ULK4: variants seen among roughly 807,000 people sequenced by gnomAD.
ULK4 encodes unc-51 like kinase 4.
In ULK4, 133 loss-of-function variants were observed where a neutral mutation model predicts 160.6. The ratio of observed to expected loss-of-function variants is 0.83; its 90% CI spans 0.72 to 0.96. The LOEUF (loss-of-function observed/expected upper bound fraction) is 0.96. Among genes scored for constraint, ULK4 ranks in the 40% least tolerant of loss-of-function variants. The probability of loss-of-function intolerance (pLI) is 0.00; values close to 1 mark genes in which losing one functional copy is unlikely to be tolerated. For missense variants in ULK4, 1,580 were observed against 1,499.5 expected, an observed-to-expected ratio of 1.05 and a Z score of -0.89; for synonymous variants, 534 against 539.8, an observed-to-expected ratio of 0.99 and a Z score of 0.15.
At chr3:41,827,828 C>G (rs530668328) in intron 18 of ULK4, among the ~76,000 whole-genome samples, 93 of 152,100 alleles carry the variant, frequency 6.1e-4, no homozygotes, top group Non-Finnish European at 1.2e-3. Context: ...ATACCAAAGC[C>G]TGGCAGAGAC....
chr3:41,338,794 T>C (rs1254431637), intron 35 of ULK4, among the ~76,000 whole-genome samples: 37 of 151,890 alleles, frequency 2.4e-4, no homozygotes, highest in Non-Finnish European at 1.2e-4. Flanking sequence ...GATATACATA[T>C]CAGATGTTAT....
At chr3:41,709,671 C>CA (rs1489589609) in intron 25 of ULK4, among the ~76,000 whole-genome samples, 1 of 152,184 alleles carries the variant, frequency 6.6e-6, no homozygotes, top group African/African-American at 2.4e-5. Flanking sequence ...AGGCGTGAGC[C>CA]ACCATGCCTG....
intron 17 of ULK4, among the ~76,000 whole-genome samples, chr3:41,839,124 T>C (rs1457201936): frequency 6.6e-6 from 1 of 151,870 alleles, no homozygotes; most frequent in Non-Finnish European, 1.5e-5. Flanking sequence ...CCAAGGCAGG[T>C]GGATCATGAG....
intron 32 of ULK4, among the ~76,000 whole-genome samples, chr3:41,560,010 T>G (rs1224966427): frequency 6.6e-6 from 1 of 152,238 alleles, no homozygotes; most frequent in Non-Finnish European, 1.5e-5. Context: ...AGTCTAACAT[T>G]TAAGTCTTTA....
At chr3:41,593,593 C>T (rs1450322248) in intron 31 of ULK4, among the ~76,000 whole-genome samples, 1 of 152,166 alleles carries the variant, frequency 6.6e-6, no homozygotes, top group Admixed American at 6.5e-5. Flanking sequence ...GAGAGATACA[C>T]AGAAATATAT....
chr3:41,883,813 T>C, intron 17 of ULK4, 61 bp downstream of exon 17: 1 of 1,430,976 alleles, frequency 7.0e-7, no homozygotes, highest in Non-Finnish European at 9.9e-7. Context: ...AGGTTCTAAA[T>C]TACAGAATCA....
chr3:41,691,923 T>A lies in ULK4; in HGVS notation c.2782-10119A>T, dbSNP rs1033661970. Among the ~76,000 whole-genome samples the A allele has an allele frequency of 4.0e-5, 6 of 149,538 alleles. No homozygotes were observed. The East Asian group carries it at 1.2e-3, about 29-fold the overall frequency. ...ACAAAAAAGGACAAAGCCCTAAAAA[T>A]TATCTTCATCAAATCACTTCTTTTT... On this transcript the variant is annotated intron_variant, in intron 27 of 36. Transcript: ENST00000301831.
intron 31 of ULK4, among the ~76,000 whole-genome samples, chr3:41,606,825 T>C (rs887636366): frequency 2.6e-5 from 4 of 152,070 alleles, no homozygotes; most frequent in African/African-American, 9.7e-5. Context: ...GTTTTCTTGC[T>C]GTTAAATTGA....
At chr3:41,513,344 A>G (rs1022129673) in intron 32 of ULK4, among the ~76,000 whole-genome samples, 3 of 152,222 alleles carry the variant, frequency 2.0e-5, no homozygotes, top group Non-Finnish European at 4.4e-5. Context: ...AATAGAAATA[A>G]TCAGCAGAGT....
chr3:41,456,153 AC>A (rs1476346641), intron 33 of ULK4, among the ~76,000 whole-genome samples: 1 of 152,106 alleles, frequency 6.6e-6, no homozygotes, highest in Admixed American at 6.5e-5. Flanking sequence ...CACGTGATCC[AC>A]CCATCACAGA....
chr3:41,642,537 G>A (rs1188165481), intron 30 of ULK4, among the ~76,000 whole-genome samples: 3 of 152,124 alleles, frequency 2.0e-5, no homozygotes, highest in Non-Finnish European at 2.9e-5. Context: ...TTTTATGGCT[G>A]CACAGTATTC....
chr3:41,717,164 A>T (rs76291060), intron 23 of ULK4, among the ~76,000 whole-genome samples: 1,760 of 152,294 alleles, frequency 0.012, 36 homozygotes, highest in African/African-American at 0.04. Flanking sequence ...GTTAACAAAA[A>T]TGTATTATAG....
intron 35 of ULK4, among the ~76,000 whole-genome samples, chr3:41,265,116 G>T (rs1420197314): frequency 1.3e-5 from 2 of 152,208 alleles, no homozygotes; most frequent in African/African-American, 4.8e-5. Flanking sequence ...AGTGGAGGCT[G>T]GGCCAGCACT....
intron 30 of ULK4, among the ~76,000 whole-genome samples, chr3:41,637,275 TAA>T (rs1229537548): frequency 1.3e-5 from 2 of 152,176 alleles, no homozygotes; most frequent in Admixed American, 6.5e-5. Context: ...ATTCCACATA[TAA>T]GTGAGATGAT....
At chr3:41,595,859 T>A (rs76994652) in intron 31 of ULK4, among the ~76,000 whole-genome samples, 6,273 of 152,168 alleles carry the variant, frequency 0.041, 169 homozygotes, top group African/African-American at 0.059. Flanking sequence ...GAAAAGACAG[T>A]GCCAAAGACA....
At chr3:41,339,616 C>T (rs1299135945) in intron 35 of ULK4, among the ~76,000 whole-genome samples, 1 of 152,162 alleles carries the variant, frequency 6.6e-6, no homozygotes, top group Admixed American at 6.5e-5. Flanking sequence ...GAGTTCCTCG[C>T]TGGTGAGGGC....
intron 35 of ULK4, among the ~76,000 whole-genome samples, chr3:41,374,044 G>A (rs1382289840): frequency 6.6e-6 from 1 of 152,124 alleles, no homozygotes; most frequent in East Asian, 1.9e-4. Context: ...TAGAAGAAAT[G>A]GATAAATTCC....
intron 35 of ULK4, among the ~76,000 whole-genome samples, chr3:41,350,733 A>G (rs1451262425): frequency 6.6e-6 from 1 of 152,232 alleles, no homozygotes; most frequent in African/African-American, 2.4e-5. Context: ...AAATCCAAGT[A>G]TCCATCCTAA....
intron 32 of ULK4, among the ~76,000 whole-genome samples, chr3:41,522,047 C>T (rs1438050530): frequency 1.3e-5 from 2 of 151,990 alleles, no homozygotes; most frequent in Admixed American, 1.3e-4. Flanking sequence ...CATAAATTTA[C>T]ATGTAGTGTT....
Sources: gnomAD v4.1 joint callset for allele counts (sites outside exome capture counted in the v4.1 genomes callset) on GRCh38, gnomAD v4.1.1 for gene constraint, MANE v1.5 for transcripts, NCBI Gene and HGNC (gene_info 2026-07-23, HGNC 2026-07-21) for gene names.